RASSF3: variants seen among roughly 807,000 people sequenced by gnomAD.
RASSF3 encodes ras association domain-containing protein 3.
In RASSF3, 19 loss-of-function variants were observed where a neutral mutation model predicts 19.9. The observed-to-expected ratio is 0.96, with a 90% confidence interval of 0.67 to 1.40. RASSF3 has a LOEUF of 1.40. Among genes scored for constraint, RASSF3 ranks in the 40% most tolerant of loss-of-function variants. The pLI, the probability that RASSF3 is intolerant of heterozygous loss-of-function variation, is 0.00. For missense variants in RASSF3, 306 were observed against 289.8 expected (o/e 1.06, Z -0.41); for synonymous variants, 110 against 104.2 (o/e 1.06, Z -0.34).
intron 1 of RASSF3, among the ~76,000 whole-genome samples, chr12:64,673,063 C>G (rs563838990): frequency 6.6e-6 from 1 of 152,176 alleles, no homozygotes; most frequent in African/African-American, 2.4e-5. Context: ...TTCCTTTCTC[C>G]GGAAACTGTC....
At chr12:64,654,208 G>C (rs1872065286) in intron 1 of RASSF3, 1 of 152,068 alleles carries the variant, frequency 6.6e-6, no homozygotes, top group Non-Finnish European at 1.5e-5. Flanking sequence ...AGGCTGGAAT[G>C]CAGTGGTGCA....
intron 1 of RASSF3, among the ~76,000 whole-genome samples, chr12:64,652,948 G>T (rs1169104872): frequency 6.6e-6 from 1 of 152,204 alleles, no homozygotes; most frequent in Non-Finnish European, 1.5e-5. Context: ...TGTTGGCAGG[G>T]TGGCTTCCTT....
In RASSF3 at chr12:64,691,469, G is replaced by T. The variant is rs766927654; in HGVS notation, c.458-1G>T. The T allele has an allele frequency of 6.2e-7, 1 of 1,607,506 alleles. No individual in the cohort carries two copies. The highest frequency in any genetic ancestry group is 1.3e-5 in the African/African-American group (1 of 74,880). On this transcript the variant is annotated splice_acceptor_variant, in intron 3 of 4. Transcript: ENST00000542104. LOFTEE classifies it high-confidence loss of function. The stretch of plus-strand genomic sequence containing the variant: ...AACATGCTGCTTGTTTCTTTACCCA[G>T]TCTACGCCTGCAAGCTCTCAGACCG...
chr12:64,667,359 C>T (rs1236010467), intron 1 of RASSF3, among the ~76,000 whole-genome samples: 1 of 152,080 alleles, frequency 6.6e-6, no homozygotes, highest in Non-Finnish European at 1.5e-5. Context: ...CAGAGTCTCG[C>T]TCTGTCACCC....
chr12:64,684,435 G>GTTTTTTTT (rs56163162), intron 1 of RASSF3, among the ~76,000 whole-genome samples: 2 of 131,200 alleles, frequency 1.5e-5, no homozygotes, highest in East Asian at 2.2e-4. Flanking sequence ...TTGTTTGTTT[G>GTTTTTTTT]TTTTTTTTTT....
chr12:64,586,214 C>T (rs1054634923), intron 2 of RASSF3, among the ~76,000 whole-genome samples: 4 of 151,882 alleles, frequency 2.6e-5, no homozygotes, highest in South Asian at 2.1e-4. Flanking sequence ...ATCCCAGCTA[C>T]TTGAGAGGCT....
At chr12:64,515,848 C>A (rs1170663927) in intron 1 of RASSF3, among the ~76,000 whole-genome samples, 1 of 152,056 alleles carries the variant, frequency 6.6e-6, no homozygotes, top group East Asian at 1.9e-4. Flanking sequence ...TTTAACTAGA[C>A]ACTCACTAGG....
At chr12:64,618,998 G>A (rs1002362319) in intron 1 of RASSF3, among the ~76,000 whole-genome samples, 2 of 152,056 alleles carry the variant, frequency 1.3e-5, no homozygotes, top group African/African-American at 4.8e-5. Flanking sequence ...GATAATATTC[G>A]ATAATATTTG....
intron 2 of RASSF3, among the ~76,000 whole-genome samples, chr12:64,583,441 G>A (rs1268127650): frequency 6.6e-6 from 1 of 152,128 alleles, no homozygotes; most frequent in African/African-American, 2.4e-5. Flanking sequence ...GGCCAACATG[G>A]TAAAACTTCA....
At chr12:64,693,492 C>T (rs143145977) in intron 4 of RASSF3, among the ~76,000 whole-genome samples, 2,580 of 151,858 alleles carry the variant, frequency 0.017, 96 homozygotes, top group African/African-American at 0.06. Flanking sequence ...AATCATGGCT[C>T]ACTGCAGCCT....
At chr12:64,678,094 A>T (rs950221875) in intron 1 of RASSF3, among the ~76,000 whole-genome samples, 1 of 152,226 alleles carries the variant, frequency 6.6e-6, no homozygotes, top group African/African-American at 2.4e-5. Context: ...ATTAGAAGAC[A>T]TCTAGAGGAG....
At chr12:64,553,518 A>T (rs1435811389) in intron 2 of RASSF3, among the ~76,000 whole-genome samples, 1 of 152,200 alleles carries the variant, frequency 6.6e-6, no homozygotes, top group Non-Finnish European at 1.5e-5. Flanking sequence ...GGGTCAAAAA[A>T]CATCTGATGC....
intron 2 of RASSF3, among the ~76,000 whole-genome samples, chr12:64,594,718 C>G (rs527576313): frequency 6.6e-6 from 1 of 152,064 alleles, no homozygotes; most frequent in Admixed American, 6.6e-5. Flanking sequence ...CACAGCATAC[C>G]CTTCCCTTTT....
At chr12:64,692,168 C>T (rs1445772194) in intron 4 of RASSF3, among the ~76,000 whole-genome samples, 1 of 152,150 alleles carries the variant, frequency 6.6e-6, no homozygotes, top group African/African-American at 2.4e-5. Flanking sequence ...AGCACTTGAG[C>T]CTGCCCTCTA....
At chr12:64,553,942 A>G (rs112932841) in intron 2 of RASSF3, among the ~76,000 whole-genome samples, 8 of 148,052 alleles carry the variant, frequency 5.4e-5, no homozygotes, top group African/African-American at 2.0e-4. Flanking sequence ...ACGCTACTGC[A>G]TTCCAGCCTG....
At chr12:64,626,687 G>C (rs1459886987) in intron 1 of RASSF3, among the ~76,000 whole-genome samples, 1 of 151,918 alleles carries the variant, frequency 6.6e-6, no homozygotes, top group East Asian at 1.9e-4. Context: ...TCAACCTCCT[G>C]AGTAGCTGGG....
In RASSF3 at chr12:64,694,791, A is replaced by G. The variant is rs776253145; in HGVS notation, c.596A>G (p.Gln199Arg). 5.0e-6 allele frequency: 8 copies of G among 1,614,150 alleles called. No homozygotes were observed. The South Asian group carries it at 5.5e-5, about 11-fold the overall frequency. ...EWEAFSLPELQNFLRILDKEE... is the reference protein window; with the variant it reads ...EWEAFSLPELRNFLRILDKEE... ...GAAGCCTTCAGCCTTCCAGAACTAC[A>G]GAATTTCTTGCGCATCTTGGACAAG... is the stretch of plus-strand genomic sequence containing the variant. Residue 199 changes from glutamine to arginine, a missense_variant, in exon 5 of 5, where the codon CAG becomes CGG. Coordinates refer to ENST00000542104, the MANE Select transcript of RASSF3 (RefSeq NM_178169.4).
intron 2 of RASSF3, among the ~76,000 whole-genome samples, chr12:64,593,546 C>G (rs1869955656): frequency 6.6e-6 from 1 of 152,092 alleles, no homozygotes; most frequent in South Asian, 2.1e-4. Context: ...CTGCTACATC[C>G]ATGACTTAAT....
chr12:64,622,216 A>ATTTTTTT (rs35037944), intron 1 of RASSF3, among the ~76,000 whole-genome samples: 1 of 134,510 alleles, frequency 7.4e-6, no homozygotes, highest in Non-Finnish European at 1.6e-5. Context: ...ATGTCCAGCT[A>ATTTTTTT]TTTTTTTTTT....
Sources: allele counts gnomAD v4.1 joint callset (sites outside exome capture counted in the v4.1 genomes callset), GRCh38; gene constraint gnomAD v4.1.1; transcripts MANE v1.5; gene names NCBI Gene and HGNC (gene_info 2026-07-23, HGNC 2026-07-21).